Variants in HECTD4 observed in about 807,000 individuals in gnomAD.
HECTD4 encodes probable E3 ubiquitin-protein ligase HECTD4.
Under a neutral mutation model 471.5 loss-of-function variants are expected in HECTD4, and 114 were observed. That is an observed-to-expected ratio of 0.24 (90% confidence interval 0.21 to 0.28). The LOEUF (loss-of-function observed/expected upper bound fraction) is 0.28, where lower values mean the gene tolerates loss of function less well. Among genes scored for constraint, HECTD4 ranks in the 10% least tolerant of loss-of-function variants. HECTD4 has a pLI of 1.00. For missense variants in HECTD4, 3,866 were observed against 5,651.5 expected, an observed-to-expected ratio of 0.68 and a Z score of 10.13; for synonymous variants, 2,012 against 2,256.0, an observed-to-expected ratio of 0.89 and a Z score of 3.07.
chr12:112,328,530 T>C (rs1475717472), intron 1 of HECTD4, among the ~76,000 whole-genome samples: 1 of 152,198 alleles, frequency 6.6e-6, no homozygotes. Flanking sequence ...TTTTCTACCA[T>C]TTTTCACATA....
At chr12:112,352,424 C>T (rs769499461) in intron 1 of HECTD4, among the ~76,000 whole-genome samples, 3 of 151,858 alleles carry the variant, frequency 2.0e-5, no homozygotes, top group Non-Finnish European at 4.4e-5. Flanking sequence ...CAACCTCCGC[C>T]TCCTGGGCTC....
At chr12:112,345,121 C>A (rs1291544359) in intron 1 of HECTD4, among the ~76,000 whole-genome samples, 2 of 151,958 alleles carry the variant, frequency 1.3e-5, no homozygotes, top group Non-Finnish European at 2.9e-5. Flanking sequence ...GGTGTGATGG[C>A]ATGTACCTGT....
intron 34 of HECTD4, among the ~76,000 whole-genome samples, chr12:112,238,814 C>T (rs1465593929): frequency 6.6e-6 from 1 of 152,074 alleles, no homozygotes; most frequent in Non-Finnish European, 1.5e-5. Flanking sequence ...TCTCAATTTC[C>T]TGGGATTACT....
chr12:112,364,408 CAA>C (rs768813376), intron 1 of HECTD4, among the ~76,000 whole-genome samples: 2 of 124,018 alleles, frequency 1.6e-5, no homozygotes. Context: ...CTCTCTCTCT[CAA>C]AAAAAAAAAA....
intron 1 of HECTD4, among the ~76,000 whole-genome samples, chr12:112,368,555 A>C (rs757929582): frequency 2.6e-5 from 4 of 152,212 alleles, no homozygotes; most frequent in Non-Finnish European, 5.9e-5. Context: ...ATATCCACAA[A>C]TTACTATGCA....
chr12:112,217,239 CAA>C, intron 45 of HECTD4, 44 bp from the exon 46 acceptor site: 1 of 1,453,316 alleles, frequency 6.9e-7, no homozygotes. Context: ...ACTGCAAACA[CAA>C]TCCCTTTACT....
At chr12:112,259,636 C>T (rs572666305) in intron 18 of HECTD4, among the ~76,000 whole-genome samples, 2 of 151,552 alleles carry the variant, frequency 1.3e-5, no homozygotes, top group South Asian at 2.1e-4. Flanking sequence ...CCTCCCACCT[C>T]GGTCTCCCAA....
At chr12:112,231,825 TA>T (rs1593956988) in intron 38 of HECTD4, 110 bp from the exon 39 acceptor site, 1 of 877,576 alleles carries the variant, frequency 1.1e-6, no homozygotes, top group East Asian at 2.7e-5. Flanking sequence ...CATTTTTTTT[TA>T]ATTCAAACAT....
At chr12:112,203,526 T>A in intron 54 of HECTD4, 110 bp downstream of exon 54, 2 of 915,044 alleles carry the variant, frequency 2.2e-6, no homozygotes, top group South Asian at 4.0e-5. Flanking sequence ...CGTCCCTGAT[T>A]TGAAGAGAAA....
chr12:112,309,766 T>G (rs1337325053), intron 4 of HECTD4, 97 bp from the exon 5 acceptor site: 1 of 586,180 alleles, frequency 1.7e-6, no homozygotes, highest in African/African-American at 1.9e-5. Context: ...GGAGGTTGAG[T>G]GAAAGATTAC....
Position 112,184,838 on chromosome 12 carries a change from G to T in HECTD4, c.10128C>A (p.Gly3376=). The change falls in exon 61 of 76, where the codon GGC becomes GGA. Residue 3376 remains glycine, a synonymous_variant. Transcript: ENST00000682272. The surrounding 1 kb of genome is among the most constrained non-coding windows in gnomAD (Gnocchi z 9.1). ...CATCGGCGATGGCGTCACTCGTCAC[G>T]CCCAGCCCCTGTGGGTCCTTCCTGG... ...HLTRKDPQGL[G]VTSDAIADAC... is the part of the protein sequence containing the mutation. The T allele has an allele frequency of 6.2e-7, 1 of 1,607,670 alleles. No individual in the cohort carries two copies. The highest frequency in any genetic ancestry group is 8.5e-7 in the Non-Finnish European group (1 of 1,175,718).
At position 112,193,745 on chromosome 12, in the gene HECTD4, G is replaced by C; in HGVS notation, c.8750-71C>G. The C allele has an allele frequency of 7.2e-7, 1 of 1,392,818 alleles. No homozygotes were observed. Among genetic ancestry groups the C allele is most frequent in the South Asian group, 1.2e-5 (1 of 80,366 alleles). 86.3% of individuals were successfully genotyped at this position (1,392,818 alleles called of 1,614,324 possible). A position where few individuals can be genotyped will look rare whatever the true frequency, so the allele number is the denominator to read the frequency against. ...AGTAGCTGTGAGAGTCTAAGTAACA[G>C]AAAATGAATAACCCATCCAGAAACC... On this transcript the variant is annotated intron_variant, in intron 56 of 75. Coordinates refer to ENST00000682272, the MANE Select transcript of HECTD4 (RefSeq NM_001388303.1). The surrounding 1 kb of genome is among the most constrained non-coding windows in gnomAD (Gnocchi z 5.2).
At chr12:112,229,557 TCA>T in intron 41 of HECTD4, 139 bp downstream of exon 41, 1 of 797,954 alleles carries the variant, frequency 1.3e-6, no homozygotes, top group Non-Finnish European at 2.0e-6. Flanking sequence ...CAAGAATTTC[TCA>T]GATTCCTTAT....
rs748726420 is a variant in HECTD4 at position 112,228,627 on chromosome 12, G to A, written c.6684+20C>T. 61 of 1,592,224 alleles carry A rather than the reference G, an allele frequency of 3.8e-5. No homozygotes were observed. Among genetic ancestry groups the A allele is most frequent in the Non-Finnish European group, 5.1e-5 (60 of 1,170,906 alleles). The stretch of plus-strand genomic sequence containing the variant: ...TTACCATTGGCAGACATTTTACAAA[G>A]CATTTAAAAATCACCTTACCTCTGA... On this transcript the variant is annotated intron_variant, in intron 42 of 75. Transcript: ENST00000682272. The surrounding 1 kb of genome is among the most constrained non-coding windows in gnomAD (Gnocchi z 4.9).
At chr12:112,244,601 C>T (rs1461488097) in intron 29 of HECTD4, among the ~76,000 whole-genome samples, 2 of 152,196 alleles carry the variant, frequency 1.3e-5, no homozygotes, top group Non-Finnish European at 2.9e-5. Context: ...GAACTCCTGA[C>T]TTCAAGTGAT....
chr12:112,270,106 TG>T, intron 12 of HECTD4, 120 bp downstream of exon 12: 1 of 823,320 alleles, frequency 1.2e-6, no homozygotes, highest in Non-Finnish European at 1.9e-6. Flanking sequence ...GATCAGAAGG[TG>T]GTAAGATGCA....
Position 112,304,660 on chromosome 12 carries a change from G to A in HECTD4, c.1335+1404C>T, listed in dbSNP as rs992857744. Among the ~76,000 whole-genome samples, 5 of 149,836 alleles carry A rather than the reference G, an allele frequency of 3.3e-5. No homozygotes were observed. The South Asian group carries it at 1.1e-3, about 32-fold the overall frequency. ...TGAAAATTCCTTAAACAGCTGGTAA[G>A]TCTCTTTAAAAACCAATTAAAAAAA... On this transcript the variant is annotated intron_variant, in intron 7 of 75. Coordinates refer to ENST00000682272, the MANE Select transcript of HECTD4 (RefSeq NM_001388303.1).
At chr12:112,265,510 AAT>A (rs2135609080) in intron 15 of HECTD4, among the ~76,000 whole-genome samples, 1 of 152,346 alleles carries the variant, frequency 6.6e-6, no homozygotes, top group African/African-American at 2.4e-5. Context: ...GTATTTTATA[AAT>A]AACATATAAA....
Position 112,228,134 on chromosome 12 carries a change from G to A in HECTD4, c.6809C>T (p.Ala2270Val), listed in dbSNP as rs754811275. 1 of 1,613,780 alleles carries A rather than the reference G, an allele frequency of 6.2e-7. No homozygotes were observed. Among genetic ancestry groups the A allele is most frequent in the Non-Finnish European group, 8.5e-7 (1 of 1,179,798 alleles). ...GAGCCGAACGACTGCCATCACAGGA[G>A]CTGACCCATCTCCTGTTGCAGGAAG... is the stretch of plus-strand genomic sequence containing the variant. ...TSLPATGDGS[A>V]PVMAVVRLLA... is the part of the protein sequence containing the mutation. The change falls in exon 43 of 76, where the codon GCT becomes GTT. Residue 2270 changes from alanine (A) to valine (V), a missense_variant. This residue lies in a region of HECTD4 where 617 missense variants were observed against 915.1 expected (regional missense o/e 0.67). Coordinates refer to ENST00000682272, the MANE Select transcript of HECTD4 (RefSeq NM_001388303.1). This position sits in a 1 kb window ranked among gnomAD's most constrained non-coding sequence, Gnocchi z 4.9.
Sources: gnomAD v4.1 joint callset for allele counts (sites outside exome capture counted in the v4.1 genomes callset) on GRCh38, gnomAD v4.1.1 for gene constraint, gnomAD v4.1.1 regional missense constraint, Gnocchi (gnomAD v3.1) non-coding constraint, MANE v1.5 for transcripts, NCBI Gene and HGNC (gene_info 2026-07-23, HGNC 2026-07-21) for gene names.